NCALD: variants seen among roughly 807,000 people sequenced by gnomAD.
NCALD encodes the protein neurocalcin-delta.
A neutral mutation model predicts 18.6 loss-of-function variants in NCALD; 10 were observed. The observed-to-expected ratio is 0.54, with a 90% confidence interval of 0.33 to 0.91. The LOEUF (loss-of-function observed/expected upper bound fraction) is 0.91. NCALD is among the 40% of genes least tolerant of loss of function. The pLI is 0.03. For synonymous variants in NCALD, 88 were observed against 87.4 expected, an observed-to-expected ratio of 1.01 and a Z score of -0.04; for missense variants, 184 against 247.6, an observed-to-expected ratio of 0.74 and a Z score of 1.72.
chr8:101,914,605 A>G (rs554993356), intron 3 of NCALD, among the ~76,000 whole-genome samples: 9 of 152,282 alleles, frequency 5.9e-5, no homozygotes, highest in Non-Finnish European at 1.0e-4. Flanking sequence ...TTTATTCATC[A>G]TGTATTTATA....
chr8:101,907,481 ATTATT>A (rs1477605731), intron 3 of NCALD, among the ~76,000 whole-genome samples: 7 of 151,010 alleles, frequency 4.6e-5, no homozygotes, highest in Admixed American at 2.6e-4. Context: ...ATTAAATTTT[ATTATT>A]TTATTTTATT....
At chr8:101,764,016 C>CA (rs1563744473) in intron 1 of NCALD, among the ~76,000 whole-genome samples, 855 of 15,192 alleles carry the variant, frequency 0.056, 28 homozygotes, top group East Asian at 0.11. Flanking sequence ...ACACACACAC[C>CA]CCCTATTGGT....
At chr8:102,004,384 A>G (rs1821610444) in intron 2 of NCALD, among the ~76,000 whole-genome samples, 1 of 152,108 alleles carries the variant, frequency 6.6e-6, no homozygotes. Context: ...AAAAGAGGAT[A>G]CAAACAAATG....
intron 2 of NCALD, among the ~76,000 whole-genome samples, chr8:101,711,331 T>C (rs1815780711): frequency 6.6e-6 from 1 of 152,014 alleles, no homozygotes; most frequent in Admixed American, 6.6e-5. Flanking sequence ...GCAAAAAGCC[T>C]GAAAATTCCA....
chr8:101,829,675 CAT>C (rs1814088041), intron 4 of NCALD, among the ~76,000 whole-genome samples: 1 of 145,524 alleles, frequency 6.9e-6, no homozygotes, highest in Non-Finnish European at 1.5e-5. Flanking sequence ...CACACACACA[CAT>C]ACAAATTTAA....
At position 101,915,917 on chromosome 8, in the gene NCALD, T is replaced by C. The variant is rs1185800691; in HGVS notation, c.-156-59A>G. 2.0e-5 allele frequency: 3 copies of C among 152,190 alleles called. No homozygotes were observed. The East Asian group carries it at 5.8e-4, about 29-fold the overall frequency. 9.4% of individuals were successfully genotyped at this position (152,190 alleles called of 1,614,324 possible). ...TGCAAATATCTTAAAGGAATCTTTG[T>C]CCTGAGGTCATTATCCCACCTATTT... On this transcript the variant is annotated intron_variant, in intron 2 of 6. Coordinates refer to the NCALD transcript ENST00000311028.
At chr8:101,971,036 G>C (rs980090397) in intron 2 of NCALD, among the ~76,000 whole-genome samples, 15 of 152,152 alleles carry the variant, frequency 9.9e-5, no homozygotes, top group African/African-American at 3.4e-4. Context: ...ATGCCCGTCT[G>C]CCTTTCTGCT....
intron 4 of NCALD, among the ~76,000 whole-genome samples, chr8:101,827,513 T>C (rs977289639): frequency 2.8e-4 from 42 of 152,350 alleles, no homozygotes; most frequent in Non-Finnish European, 5.3e-4. Context: ...ATTATGTGAA[T>C]TTGAGACACC....
At chr8:101,947,587 G>A (rs1819225955) in intron 2 of NCALD, among the ~76,000 whole-genome samples, 1 of 152,200 alleles carries the variant, frequency 6.6e-6, no homozygotes, top group South Asian at 2.1e-4. Context: ...TCAGTTATTT[G>A]GGGATGGACT....
At chr8:102,057,257 T>C (rs868627855) in intron 1 of NCALD, among the ~76,000 whole-genome samples, 2 of 147,658 alleles carry the variant, frequency 1.4e-5, no homozygotes, top group East Asian at 2.0e-4. Flanking sequence ...GGCTAGTTCA[T>C]ACACACACAC....
chr8:102,093,438 G>A (rs1049117650), intron 1 of NCALD, among the ~76,000 whole-genome samples: 12 of 152,292 alleles, frequency 7.9e-5, no homozygotes, highest in African/African-American at 2.6e-4. Flanking sequence ...AAAGTGCCTA[G>A]CTAAAAATAT....
In NCALD at chr8:101,957,198, A is replaced by AT. The variant is rs1348132755; in HGVS notation, c.-156-41341dup. 2.0e-5 allele frequency among the ~76,000 whole-genome samples: 3 copies of AT among 152,014 alleles called. No homozygotes were observed. In the East Asian group the frequency reaches 5.8e-4, roughly 29 times the overall value. Reference sequence around the variant, plus strand: ...CAATGCAATCAATTATAAACATTCTATTTAGAGTAATGTTAGCATAACAAG... The same window carrying AT: ...CAATGCAATCAATTATAAACATTCTATTTTAGAGTAATGTTAGCATAACAAG... On this transcript the variant is annotated intron_variant, in intron 2 of 6. Transcript: ENST00000311028.
At chr8:102,041,181 A>C (rs527608330) in intron 1 of NCALD, among the ~76,000 whole-genome samples, 2 of 152,100 alleles carry the variant, frequency 1.3e-5, no homozygotes, top group South Asian at 4.2e-4. Flanking sequence ...TCTATTCCTC[A>C]CCTTTGCAGC....
intron 2 of NCALD, among the ~76,000 whole-genome samples, chr8:101,992,013 A>C (rs1435249516): frequency 1.3e-5 from 2 of 152,206 alleles, no homozygotes; most frequent in African/African-American, 4.8e-5. Flanking sequence ...GCAGCAGCTA[A>C]AGTATCTGGC....
At chr8:101,810,318 C>T (rs768591843) in intron 4 of NCALD, among the ~76,000 whole-genome samples, 7 of 152,026 alleles carry the variant, frequency 4.6e-5, no homozygotes, top group African/African-American at 1.7e-4. Context: ...CTACCTTGCA[C>T]GGTGGTTATA....
At chr8:101,858,099 A>G (rs1815392249) in intron 4 of NCALD, among the ~76,000 whole-genome samples, 1 of 152,156 alleles carries the variant, frequency 6.6e-6, no homozygotes, top group South Asian at 2.1e-4. Flanking sequence ...CAAATTAAAT[A>G]AACTCATTGG....
chr8:101,854,826 G>A (rs567374898), intron 4 of NCALD, among the ~76,000 whole-genome samples: 1 of 152,226 alleles, frequency 6.6e-6, no homozygotes, highest in East Asian at 1.9e-4. Context: ...CACATGTTTA[G>A]GAATTTGCAA....
intron 2 of NCALD, among the ~76,000 whole-genome samples, chr8:102,005,916 A>G (rs1218727743): frequency 6.6e-6 from 1 of 151,748 alleles, no homozygotes; most frequent in Non-Finnish European, 1.5e-5. Flanking sequence ...GCATTAGGAG[A>G]TATACCTAAT....
At chr8:102,116,304 T>TA (rs1825785031) in intron 1 of NCALD, among the ~76,000 whole-genome samples, 1 of 113,444 alleles carries the variant, frequency 8.8e-6, no homozygotes, top group Non-Finnish European at 2.1e-5. Context: ...ACCTCTACTG[T>TA]GTGTCAAGGA....
Sources: allele counts gnomAD v4.1 joint callset (sites outside exome capture counted in the v4.1 genomes callset), GRCh38; gene constraint gnomAD v4.1.1; transcripts MANE v1.5; gene names NCBI Gene and HGNC (gene_info 2026-07-23, HGNC 2026-07-21).